Variants in TFAP2B observed in about 807,000 individuals in gnomAD.
TFAP2B encodes the protein transcription factor AP-2 beta.
TFAP2B carries 9 observed loss-of-function variants against 44.3 expected under a neutral mutation model. The observed-to-expected ratio is 0.20, with a 90% CI of 0.12 to 0.35. TFAP2B has a LOEUF of 0.35. Ranked by LOEUF, TFAP2B falls within the 10% of genes least tolerant of loss-of-function variation. The pLI is 1.00. For missense variants in TFAP2B, 509 were observed against 600.0 expected, an observed-to-expected ratio of 0.85 and a Z score of 1.59; for synonymous variants, 270 against 263.8, an observed-to-expected ratio of 1.02 and a Z score of -0.23.
intron 1 of TFAP2B, among the ~76,000 whole-genome samples, chr6:50,820,577 C>T (rs139699026): frequency 6.6e-6 from 1 of 152,378 alleles, no homozygotes; most frequent in East Asian, 1.9e-4. Flanking sequence ...TGTGTATCGA[C>T]TGTAACGAAG....
intron 2 of TFAP2B, 53 bp downstream of exon 2, chr6:50,823,918 C>A (rs1189756625): frequency 2.6e-6 from 4 of 1,524,230 alleles, no homozygotes; most frequent in Non-Finnish European, 3.5e-6. Flanking sequence ...ATAAGGAATG[C>A]TTCTGGAGGG....
chr6:50,821,214 A>G (rs2744467), intron 1 of TFAP2B, among the ~76,000 whole-genome samples: 1 of 152,200 alleles, frequency 6.6e-6, no homozygotes, highest in African/African-American at 2.4e-5. Flanking sequence ...ATTGAGGTAA[A>G]AATCGCAAAC....
intron 3 of TFAP2B, among the ~76,000 whole-genome samples, chr6:50,833,481 A>G (rs1393676741): frequency 6.6e-6 from 1 of 152,168 alleles, no homozygotes; most frequent in East Asian, 1.9e-4. Context: ...ATATAGTCCA[A>G]AGCACATCTT....
At position 50,843,429 on chromosome 6, in the gene TFAP2B, A is replaced by G. The variant is rs776128237; in HGVS notation, c.*37A>G. ...AAAAAGAAGGAAAAATGTTTTAAAT[A>G]CAAAAGGAAAAACAGACAAAAATTT... On this transcript the variant is annotated 3_prime_UTR_variant, in exon 7 of 7. Transcript: ENST00000393655. 7.2e-5 allele frequency: 114 copies of G among 1,588,166 alleles called. No homozygotes were observed. Among genetic ancestry groups the G allele is most frequent in the Middle Eastern group, 5.0e-4 (3 of 5,998 alleles).
rs1304367438 is a variant in TFAP2B, at chr6:50,843,609, G to A, written c.*217G>A. ...TATCGGTTCTCAGTGTCTATTTCAA[G>A]ATACATTTGGAGACAACCGTCCGGA... On this transcript the variant is annotated 3_prime_UTR_variant, in exon 7 of 7. Coordinates refer to ENST00000393655, the MANE Select transcript of TFAP2B (RefSeq NM_003221.4). 2 of 561,250 alleles carry A rather than the reference G, an allele frequency of 3.6e-6. No homozygotes were observed. Among genetic ancestry groups the A allele is most frequent in the Non-Finnish European group, 6.1e-6 (2 of 329,022 alleles). 34.8% of individuals were successfully genotyped at this position (561,250 alleles called of 1,614,324 possible). A position where few individuals can be genotyped will look rare whatever the true frequency, so the allele number is the denominator to read the frequency against.
At chr6:50,830,373 T>C in intron 3 of TFAP2B, 1 of 883,864 alleles carries the variant, frequency 1.1e-6, no homozygotes, top group Non-Finnish European at 1.4e-6. Context: ...GTGGGATGCT[T>C]TGGTTTCAGA....
At chr6:50,819,332 T>C (rs1028701504) in intron 1 of TFAP2B, among the ~76,000 whole-genome samples, 2 of 144,778 alleles carry the variant, frequency 1.4e-5, no homozygotes, top group African/African-American at 5.0e-5. Context: ...AGTCAGGGGC[T>C]TTTCTCGTTT....
At chr6:50,826,028 C>A (rs1053862940) in intron 2 of TFAP2B, among the ~76,000 whole-genome samples, 2 of 152,166 alleles carry the variant, frequency 1.3e-5, no homozygotes, top group African/African-American at 4.8e-5. Context: ...AGGACCACAG[C>A]CTCGAATCCG....
At chr6:50,825,859 C>A (rs572170824) in intron 2 of TFAP2B, among the ~76,000 whole-genome samples, 1 of 152,194 alleles carries the variant, frequency 6.6e-6, no homozygotes, top group Admixed American at 6.5e-5. Flanking sequence ...CTTCTTGGGA[C>A]GACCCCTATA....
chr6:50,842,459 A>G (rs1033946737), intron 6 of TFAP2B, among the ~76,000 whole-genome samples: 1 of 152,250 alleles, frequency 6.6e-6, no homozygotes, highest in Non-Finnish European at 1.5e-5. Flanking sequence ...CTGGTTATAC[A>G]AAGATTTTCA....
chr6:50,832,318 T>C (rs1581820330), intron 3 of TFAP2B, among the ~76,000 whole-genome samples: 1 of 152,188 alleles, frequency 6.6e-6, no homozygotes, highest in South Asian at 2.1e-4. Context: ...CTATACACCA[T>C]GTAAGTGATG....
intron 6 of TFAP2B, 145 bp from the exon 7 acceptor site, chr6:50,842,947 G>A: frequency 2.6e-6 from 3 of 1,164,552 alleles, no homozygotes; most frequent in Non-Finnish European, 3.8e-6. Context: ...GGAGGGCGCT[G>A]GGAAAGGAAA....
upstream of TFAP2B, chr6:50,818,611 C>T: frequency 2.4e-6 from 1 of 419,480 alleles, no homozygotes; most frequent in Non-Finnish European, 4.3e-6. Context: ...ACTGTGTGAC[C>T]CAGAGGTGCT....
In TFAP2B at chr6:50,823,558, C is replaced by G; in HGVS notation, c.233C>G (p.Pro78Arg). ...TTCCCACCCCCCTACCAGCCGCTCCCCTACCACCAGAGCCAGGACCCCTAC... is the reference window on the plus strand; with the variant it reads ...TTCCCACCCCCCTACCAGCCGCTCCGCTACCACCAGAGCCAGGACCCCTAC... ...PYFPPPYQPLPYHQSQDPYSH... is the reference protein window; with the variant it reads ...PYFPPPYQPLRYHQSQDPYSH... Residue 78 changes from proline to arginine, a missense_variant, in exon 2 of 7, where the codon CCC (proline) becomes CGC (arginine). Physicochemically the swap from Pro to Arg is moderately radical, Grantham distance 103. Around this residue, in one of 3 missense-constraint regions of TFAP2B, gnomAD observed 296 missense variants for 308.2 expected, o/e 0.96. Transcript: ENST00000393655. 6.2e-7 allele frequency: 1 copy of G among 1,614,086 alleles called. No individual in the cohort carries two copies. The highest frequency in any genetic ancestry group is 8.5e-7 in the Non-Finnish European group (1 of 1,180,018).
Position 50,837,995 on chromosome 6 carries a change from G to T in TFAP2B, c.842G>T (p.Gly281Val). ...VLRRAKSKNGGRSLRERLEKI... is the reference protein window; with the variant it reads ...VLRRAKSKNGVRSLRERLEKI... ...TTCAGAGCCAAATCGAAAAATGGGGGGAGATCTTTGCGAGAAAGGCTAGAA... is the reference window on the plus strand; with the variant it reads ...TTCAGAGCCAAATCGAAAAATGGGGTGAGATCTTTGCGAGAAAGGCTAGAA... The change falls in exon 5 of 7, where the codon GGG becomes GTG. Residue 281 changes from glycine to valine, a missense_variant. Around this residue, in one of 3 missense-constraint regions of TFAP2B, gnomAD observed 45 missense variants for 108.6 expected, o/e 0.41. Coordinates refer to ENST00000393655, the MANE Select transcript of TFAP2B (RefSeq NM_003221.4). 1 of 1,614,082 alleles carries T rather than the reference G, an allele frequency of 6.2e-7. No homozygotes were observed. Among genetic ancestry groups the T allele is most frequent in the East Asian group, 2.2e-5 (1 of 44,870 alleles).
At position 50,837,172 on chromosome 6, in the gene TFAP2B, T is replaced by G. The variant is rs1410433211; in HGVS notation, c.822-803T>G. On this transcript the variant is annotated intron_variant, in intron 4 of 6. Coordinates refer to ENST00000393655, the MANE Select transcript of TFAP2B (RefSeq NM_003221.4). ...GTACAGCAAAAGAGATTACAGTAAC[T>G]GAGGATTTTTACTTGTACTTTTGTC... is the stretch of plus-strand genomic sequence containing the variant. 2.6e-5 allele frequency among the ~76,000 whole-genome samples: 4 copies of G among 152,212 alleles called. No homozygotes were observed. In the South Asian group the frequency reaches 8.3e-4, roughly 31 times the overall value.
At chr6:50,823,969 GT>G (rs751381846) in intron 2 of TFAP2B, 104 bp downstream of exon 2, 5 of 1,263,342 alleles carry the variant, frequency 4.0e-6, no homozygotes, top group Non-Finnish European at 5.6e-6. Flanking sequence ...TTTTTGGGGA[GT>G]TTGTTCCCAT....
chr6:50,839,881 A>T (rs538312392), intron 5 of TFAP2B, among the ~76,000 whole-genome samples: 76 of 152,334 alleles, frequency 5.0e-4, no homozygotes, highest in African/African-American at 1.7e-3. Context: ...TGACAAAAAG[A>T]TTAGGGTGTA....
At position 50,843,583 on chromosome 6, in the gene TFAP2B, A is replaced by G. The variant is rs1285617329; in HGVS notation, c.*191A>G. On this transcript the variant is annotated 3_prime_UTR_variant, in exon 7 of 7. Coordinates refer to ENST00000393655, the MANE Select transcript of TFAP2B (RefSeq NM_003221.4). ...AACTGAGGCGTACAACGGAGCAACA[A>G]TATCGGTTCTCAGTGTCTATTTCAA... is the stretch of plus-strand genomic sequence containing the variant. The G allele has an allele frequency of 1.4e-5, 9 of 639,118 alleles. No homozygotes were observed. The highest frequency in any genetic ancestry group is 7.3e-5 in the African/African-American group (4 of 54,606). 39.6% of individuals were successfully genotyped at this position (639,118 alleles called of 1,614,324 possible). A position where few individuals can be genotyped will look rare whatever the true frequency, so the allele number is the denominator to read the frequency against.
Sources: gnomAD v4.1 joint callset for allele counts (sites outside exome capture counted in the v4.1 genomes callset) on GRCh38, gnomAD v4.1.1 for gene constraint, gnomAD v4.1.1 regional missense constraint, MANE v1.5 for transcripts, NCBI Gene and HGNC (gene_info 2026-07-23, HGNC 2026-07-21) for gene names.